Variants in ARHGAP24 observed in about 807,000 individuals in gnomAD.
The protein encoded by ARHGAP24 is Rho GTPase activating protein 24.
ARHGAP24 carries 50 observed loss-of-function variants against 76.4 expected under a neutral mutation model. That is an observed-to-expected ratio of 0.65 (90% CI 0.52 to 0.83). The LOEUF is 0.83. Ranked by LOEUF, ARHGAP24 falls within the 40% of genes least tolerant of loss-of-function variation. The pLI is 0.00. For missense variants in ARHGAP24, 930 were observed against 914.2 expected, an observed-to-expected ratio of 1.02 and a Z score of -0.22; for synonymous variants, 345 against 323.3, an observed-to-expected ratio of 1.07 and a Z score of -0.72.
chr4:85,936,300 A>G (rs1736631145), intron 4 of ARHGAP24, among the ~76,000 whole-genome samples: 1 of 152,186 alleles, frequency 6.6e-6, no homozygotes, highest in South Asian at 2.1e-4. Context: ...TTTATTTTCT[A>G]TAATTGGGGA....
intron 1 of ARHGAP24, among the ~76,000 whole-genome samples, chr4:85,560,238 G>A (rs1010964290): frequency 6.6e-6 from 1 of 151,620 alleles, no homozygotes; most frequent in South Asian, 2.1e-4. Context: ...GCAGTTCTAA[G>A]TATATATTAA....
chr4:85,483,453 AGT>A (rs1418325033), intron 1 of ARHGAP24, among the ~76,000 whole-genome samples: 3 of 152,086 alleles, frequency 2.0e-5, no homozygotes, highest in Non-Finnish European at 4.4e-5. Context: ...CTCTACTATA[AGT>A]ACAAAAATTA....
intron 3 of ARHGAP24, among the ~76,000 whole-genome samples, chr4:85,802,454 A>G (rs1472422387): frequency 6.6e-6 from 1 of 152,242 alleles, no homozygotes; most frequent in African/African-American, 2.4e-5. Context: ...GAGCTGAACT[A>G]GCACATGTTC....
At chr4:85,577,353 C>T (rs866662446) in intron 2 of ARHGAP24, among the ~76,000 whole-genome samples, 31 of 152,002 alleles carry the variant, frequency 2.0e-4, no homozygotes, top group African/African-American at 6.3e-4. Flanking sequence ...TATTTAGAAA[C>T]CTAGGCTTCC....
At chr4:85,630,041 C>T (rs1721107562) in intron 2 of ARHGAP24, among the ~76,000 whole-genome samples, 1 of 151,240 alleles carries the variant, frequency 6.6e-6, no homozygotes, top group South Asian at 2.1e-4. Flanking sequence ...ATTCTTTTCT[C>T]TTCTTTCTTT....
chr4:85,752,751 C>T (rs1726311533), intron 3 of ARHGAP24, among the ~76,000 whole-genome samples: 1 of 152,152 alleles, frequency 6.6e-6, no homozygotes, highest in Non-Finnish European at 1.5e-5. Context: ...TAATAACACT[C>T]ATTAAAAATA....
At chr4:85,924,612 TG>T (rs1735913961) in intron 4 of ARHGAP24, 1 of 151,788 alleles carries the variant, frequency 6.6e-6, no homozygotes, top group African/African-American at 2.4e-5. Context: ...TCCATTCTTT[TG>T]TATATTGTCA....
At chr4:85,608,630 T>G (rs1464775760) in intron 2 of ARHGAP24, among the ~76,000 whole-genome samples, 6 of 135,894 alleles carry the variant, frequency 4.4e-5, no homozygotes, top group African/African-American at 1.3e-4. Flanking sequence ...TGATCTCAGC[T>G]CACTGCAACC....
At chr4:85,988,114 T>C (rs1022417184) in intron 8 of ARHGAP24, among the ~76,000 whole-genome samples, 3 of 151,864 alleles carry the variant, frequency 2.0e-5, no homozygotes, top group Non-Finnish European at 2.9e-5. Flanking sequence ...CTAAGGTCAT[T>C]TTGAGAGAAA....
chr4:85,771,092 G>A (rs945996326), intron 3 of ARHGAP24, among the ~76,000 whole-genome samples: 1 of 151,942 alleles, frequency 6.6e-6, no homozygotes, highest in African/African-American at 2.4e-5. Context: ...TCTTTTATAT[G>A]GGAGACTACA....
chr4:85,994,695 T>C lies in ARHGAP24; in HGVS notation c.1041T>C (p.Asn347=), dbSNP rs10003909. ...CCCAAGATGGAGTGAGCAACAACAA[T>C]GAAATTCAGAAGAAAGCCACCATGG... ...SKPQDGVSNN[N]EIQKKATMGQ... The change falls in exon 9 of 10, where the codon AAT becomes AAC. Residue 347 remains asparagine, a synonymous_variant. Transcript: ENST00000395184. The C allele has an allele frequency of 0.25, 400,508 of 1,613,714 alleles. 53,399 individuals carry two copies. The highest frequency in any genetic ancestry group is 0.45 in the African/African-American group (33,950 of 74,866).
At position 85,657,802 on chromosome 4, in the gene ARHGAP24, T is replaced by G. The variant is rs567205430; in HGVS notation, c.181-64083T>G. Among the ~76,000 whole-genome samples, 4 of 152,374 alleles carry G rather than the reference T, an allele frequency of 2.6e-5. No homozygotes were observed. The South Asian group carries it at 8.3e-4, about 32-fold the overall frequency. On this transcript the variant is annotated intron_variant, in intron 2 of 9. Transcript: ENST00000395184. Reference sequence around the variant, plus strand: ...CAGGGTCTCATTCTGTCAGCCAGGCTGGAGTGCAGCGGCACTATCTCAGCT... The same window carrying G: ...CAGGGTCTCATTCTGTCAGCCAGGCGGGAGTGCAGCGGCACTATCTCAGCT...
intron 5 of ARHGAP24, among the ~76,000 whole-genome samples, chr4:85,966,438 A>G (rs1191716757): frequency 2.0e-5 from 3 of 152,206 alleles, no homozygotes; most frequent in African/African-American, 7.2e-5. Flanking sequence ...TTGGTTTTGT[A>G]TATAATTCAG....
rs761699005 is a variant in ARHGAP24, at chr4:85,942,102, A to T, written c.428A>T (p.Tyr143Phe). The stretch of plus-strand genomic sequence containing the variant: ...CAGAAACTGGAGGATACTGTTCGTT[A>T]TGAGAAGAGATATGGGAACCGTCTG... ...FGQKLEDTVR[Y>F]EKRYGNRLAP... Residue 143 changes from tyrosine (Y) to phenylalanine (F), a missense_variant, in exon 5 of 10, where the codon TAT (tyrosine) becomes TTT (phenylalanine). By Grantham distance (22) the Tyr-to-Phe change is conservative. Coordinates refer to ENST00000395184, the MANE Select transcript of ARHGAP24 (RefSeq NM_001025616.3). The T allele has an allele frequency of 1.9e-6, 3 of 1,613,794 alleles. No individual in the cohort carries two copies. The highest frequency in any genetic ancestry group is 2.7e-5 in the African/African-American group (2 of 74,866).
chr4:85,731,045 A>G (rs1553925821), intron 3 of ARHGAP24, among the ~76,000 whole-genome samples: 1 of 148,938 alleles, frequency 6.7e-6, no homozygotes, highest in Non-Finnish European at 1.5e-5. Flanking sequence ...GAGACTGGGC[A>G]TGTGTGTGTG....
intron 2 of ARHGAP24, among the ~76,000 whole-genome samples, chr4:85,574,042 T>C (rs1454435539): frequency 6.6e-6 from 1 of 152,252 alleles, no homozygotes; most frequent in African/African-American, 2.4e-5. Context: ...ATTCTTTCTT[T>C]TAAACATTCC....
chr4:85,736,133 GTA>G (rs956227743), intron 3 of ARHGAP24, among the ~76,000 whole-genome samples: 1 of 152,040 alleles, frequency 6.6e-6, no homozygotes, highest in African/African-American at 2.4e-5. Context: ...CTCTCAAATG[GTA>G]TGTCAATTGC....
At chr4:85,991,428 T>A (rs1045736012) in intron 8 of ARHGAP24, 13 of 152,160 alleles carry the variant, frequency 8.5e-5, no homozygotes, top group Non-Finnish European at 1.3e-4. Context: ...TCAACACTAT[T>A]CATATTAGCC....
chr4:85,660,753 G>A (rs12646241), intron 2 of ARHGAP24, among the ~76,000 whole-genome samples: 43,179 of 131,144 alleles, frequency 0.33, 7,803 homozygotes, highest in East Asian at 0.85. Context: ...CTGAGATCGC[G>A]CCACAGCACT....
Sources: allele counts gnomAD v4.1 joint callset (sites outside exome capture counted in the v4.1 genomes callset), GRCh38; gene constraint gnomAD v4.1.1; transcripts MANE v1.5; gene names NCBI Gene and HGNC (gene_info 2026-07-23, HGNC 2026-07-21).